The following IMPG1 variants were observed in gnomAD, a reference collection of about 807,000 sequenced individuals.
IMPG1 encodes the protein interphotoreceptor matrix proteoglycan 1, also known as interphotoreceptor matrix proteoglycan of 150 kDa.
IMPG1 carries 85 observed loss-of-function variants against 92.0 expected under a neutral mutation model. The ratio of observed to expected loss-of-function variants is 0.92; its 90% confidence interval spans 0.78 to 1.11. The LOEUF is 1.11. IMPG1 is among the 50% of genes least tolerant of loss of function. IMPG1 has a pLI of 0.00. For synonymous variants in IMPG1, 367 were observed against 334.1 expected (o/e 1.10, Z -1.08); for missense variants, 1,022 against 956.0 (o/e 1.07, Z -0.91).
At chr6:75,988,619 GAT>G (rs1364075618) in intron 12 of IMPG1, among the ~76,000 whole-genome samples, 1 of 152,168 alleles carries the variant, frequency 6.6e-6, no homozygotes, top group Non-Finnish European at 1.5e-5. Context: ...TTATAAGAAA[GAT>G]AGCAGATTAC....
intron 1 of IMPG1, among the ~76,000 whole-genome samples, chr6:76,056,049 C>T (rs1375688236): frequency 6.6e-6 from 1 of 151,780 alleles, no homozygotes; most frequent in East Asian, 1.9e-4. Context: ...AATTTATGGT[C>T]CGAGCTTGCT....
intron 12 of IMPG1, among the ~76,000 whole-genome samples, chr6:75,993,483 A>AGG (rs1231775417): frequency 6.7e-6 from 1 of 149,012 alleles, no homozygotes; most frequent in African/African-American, 2.6e-5. Context: ...AAAGAGAGAG[A>AGG]GAAAGGGAGA....
At position 76,023,311 on chromosome 6, in the gene IMPG1, A is replaced by G. The variant is rs117638258; in HGVS notation, c.563-1092T>C. 1.3e-3 allele frequency among the ~76,000 whole-genome samples: 203 copies of G among 152,322 alleles called. 3 individuals are homozygous for G. The East Asian group carries it at 0.03, about 23-fold the overall frequency. The stretch of plus-strand genomic sequence containing the variant: ...TCTGGACTTCATCAGACTATTACCA[A>G]TGTAAGGCACCTTCAAACTTTGTAA... On this transcript the variant is annotated intron_variant, in intron 5 of 16. Transcript: ENST00000369950.
At position 75,951,012 on chromosome 6, in the gene IMPG1, A is replaced by G; in HGVS notation, c.1374T>C (p.Ser458=). ...TATCTGTGGTGCCTTGATCAGTCAG[A>G]GAGAAGATGCTTGATGCCATAAAGA... ...PPFFMASSIF[S]LTDQGTTDTM... Residue 458 remains serine (S), a synonymous_variant, in exon 13 of 17, where the codon TCT becomes TCC. Coordinates refer to ENST00000369950, the MANE Select transcript of IMPG1 (RefSeq NM_001563.4). 1 of 1,613,874 alleles carries G rather than the reference A, an allele frequency of 6.2e-7. No homozygotes were observed. The highest frequency in any genetic ancestry group is 8.5e-7 in the Non-Finnish European group (1 of 1,179,878).
intron 4 of IMPG1, 51 bp downstream of exon 4, chr6:76,034,264 T>A: frequency 3.2e-6 from 5 of 1,553,652 alleles, no homozygotes; most frequent in Non-Finnish European, 4.4e-6. Context: ...CATTATATGA[T>A]CTTTTTAAAT....
chr6:76,059,586 C>A (rs1302640818), intron 1 of IMPG1, among the ~76,000 whole-genome samples: 3 of 152,030 alleles, frequency 2.0e-5, no homozygotes, highest in African/African-American at 7.2e-5. Context: ...ATAGTAAAAA[C>A]CACACTAAGT....
chr6:75,941,662 T>G (rs1028398758), intron 14 of IMPG1, among the ~76,000 whole-genome samples: 1 of 151,410 alleles, frequency 6.6e-6, no homozygotes, highest in Admixed American at 6.6e-5. Context: ...GTTTTACAAC[T>G]CTATAAAATT....
intron 12 of IMPG1, among the ~76,000 whole-genome samples, chr6:75,974,810 C>A (rs979606390): frequency 6.6e-6 from 1 of 152,146 alleles, no homozygotes; most frequent in East Asian, 1.9e-4. Flanking sequence ...GCCACCACAC[C>A]TGGCCGGGAT....
At position 76,025,253 on chromosome 6, in the gene IMPG1, T is replaced by C. The variant is rs752502872; in HGVS notation, c.503A>G (p.Asp168Gly). 29 of 1,575,246 alleles carry C rather than the reference T, an allele frequency of 1.8e-5. 1 individual carries two copies. The Middle Eastern group carries it at 6.7e-4, about 36-fold the overall frequency. Reference sequence around the variant, plus strand: ...CAATGTCTTCTCTGCAGATATTTCATCTTTTCTATTAGTACAATAGAAAAG... The same window carrying C: ...CAATGTCTTCTCTGCAGATATTTCACCTTTTCTATTAGTACAATAGAAAAG... ...IKQRSFPDRKDEISAEKTLGE... is the reference protein window; with the variant it reads ...IKQRSFPDRKGEISAEKTLGE... The change falls in exon 5 of 17, where the codon GAT becomes GGT. Residue 168 changes from aspartate (D) to glycine (G), a missense_variant. Asp to Gly is a moderately conservative substitution (Grantham distance 94). Around this residue, in one of 3 missense-constraint regions of IMPG1, gnomAD observed 681 missense variants for 583.6 expected, o/e 1.17. Coordinates refer to ENST00000369950, the MANE Select transcript of IMPG1 (RefSeq NM_001563.4).
intron 12 of IMPG1, among the ~76,000 whole-genome samples, chr6:75,967,332 G>C (rs1370452905): frequency 6.6e-6 from 1 of 152,144 alleles, no homozygotes; most frequent in Non-Finnish European, 1.5e-5. Context: ...TGATTAAGAG[G>C]TTGGGCCTTT....
intron 2 of IMPG1, among the ~76,000 whole-genome samples, chr6:76,036,717 C>G (rs1354083334): frequency 6.6e-6 from 1 of 152,070 alleles, no homozygotes; most frequent in Non-Finnish European, 1.5e-5. Context: ...AAAAAGTAAC[C>G]ATGTGACATT....
At chr6:76,010,011 G>A (rs1264188717) in intron 8 of IMPG1, among the ~76,000 whole-genome samples, 1 of 152,258 alleles carries the variant, frequency 6.6e-6, no homozygotes, top group East Asian at 1.9e-4. Flanking sequence ...ATACTACCGA[G>A]CAGCATCTTG....
At chr6:76,004,398 T>C (rs1043560152) in intron 10 of IMPG1, among the ~76,000 whole-genome samples, 27 of 152,184 alleles carry the variant, frequency 1.8e-4, no homozygotes, top group Non-Finnish European at 2.9e-5. Flanking sequence ...GCCCCGAGTA[T>C]CAGGTTGTCT....
At chr6:76,070,821 GA>G (rs112617703) in intron 1 of IMPG1, among the ~76,000 whole-genome samples, 4,226 of 152,096 alleles carry the variant, frequency 0.028, 203 homozygotes, top group African/African-American at 0.098. Context: ...TCAAAAAGAT[GA>G]GAGAGTGGAA....
Position 75,947,343 on chromosome 6 carries a change from A to C in IMPG1, c.2015T>G (p.Ile672Arg). Residue 672 changes from isoleucine to arginine, a missense_variant, in exon 14 of 17, where the codon ATA (isoleucine) becomes AGA (arginine). This residue lies in a region of IMPG1 where 332 missense variants were observed against 346.2 expected (regional missense o/e 0.96). Transcript: ENST00000369950. ...SAAAQQLHLEIDSYSLNIEPA... is the reference protein window; with the variant it reads ...SAAAQQLHLERDSYSLNIEPA... ...TTCAATGTTGAGAGAGTAGCTGTCT[A>C]TTTCCAGATGGAGTTGTTGGGCTGC... is the stretch of plus-strand genomic sequence containing the variant. The C allele has an allele frequency of 6.2e-7, 1 of 1,613,844 alleles. No individual in the cohort carries two copies. Among genetic ancestry groups the C allele is most frequent in the Non-Finnish European group, 8.5e-7 (1 of 1,179,810 alleles).
chr6:75,978,814 C>T (rs1283714963), intron 12 of IMPG1, among the ~76,000 whole-genome samples: 2 of 152,156 alleles, frequency 1.3e-5, no homozygotes, highest in Non-Finnish European at 2.9e-5. Flanking sequence ...TTATTGAGCA[C>T]GTTTGGTGTA....
chr6:76,035,518 A>G (rs1242620587), intron 2 of IMPG1, among the ~76,000 whole-genome samples: 1 of 151,264 alleles, frequency 6.6e-6, no homozygotes, highest in Admixed American at 6.6e-5. Flanking sequence ...AAAAAAAAAA[A>G]AAAAAAGAAA....
intron 4 of IMPG1, among the ~76,000 whole-genome samples, chr6:76,029,680 G>A (rs931609994): frequency 6.6e-6 from 1 of 152,124 alleles, no homozygotes; most frequent in Non-Finnish European, 1.5e-5. Flanking sequence ...TGCAAATCCT[G>A]CCAGGTGATG....
intron 12 of IMPG1, among the ~76,000 whole-genome samples, chr6:76,002,014 CA>C (rs1782998279): frequency 6.6e-6 from 1 of 152,134 alleles, no homozygotes; most frequent in African/African-American, 2.4e-5. Context: ...ATAGTCCACT[CA>C]AAACTTGTAG....
Sources: allele counts gnomAD v4.1 joint callset (sites outside exome capture counted in the v4.1 genomes callset), GRCh38; gene constraint gnomAD v4.1.1; regional missense constraint gnomAD v4.1.1; transcripts MANE v1.5; gene names NCBI Gene and HGNC (gene_info 2026-07-23, HGNC 2026-07-21).